The following TNNI3K variants were observed in gnomAD, a reference collection of about 807,000 sequenced individuals.
TNNI3K encodes the protein TNNI3 interacting kinase.
In TNNI3K, 140 loss-of-function variants were observed where a neutral mutation model predicts 114.5. The observed-to-expected ratio is 1.22, with a 90% CI of 1.07 to 1.41. The LOEUF is 1.41. Ranked by LOEUF, TNNI3K falls within the 40% of genes most tolerant of loss-of-function variation. The pLI, the probability that TNNI3K is intolerant of heterozygous loss-of-function variation, is 0.00. For missense variants in TNNI3K, 1,125 were observed against 1,007.6 expected, an observed-to-expected ratio of 1.12 and a Z score of -1.58; for synonymous variants, 347 against 347.5, an observed-to-expected ratio of 1.00 and a Z score of 0.02.
chr1:74,326,083 A>G (rs1019640043), intron 5 of TNNI3K, among the ~76,000 whole-genome samples: 2 of 152,188 alleles, frequency 1.3e-5, no homozygotes, highest in African/African-American at 4.8e-5. Context: ...AAACATTGGT[A>G]TAAGCATGAA....
At chr1:74,332,088 A>G (rs898540684) in intron 6 of TNNI3K, among the ~76,000 whole-genome samples, 4 of 152,116 alleles carry the variant, frequency 2.6e-5, no homozygotes, top group Non-Finnish European at 5.9e-5. Flanking sequence ...GTCCATATTT[A>G]TAAAATTTTA....
At chr1:74,290,249 C>T (rs1185589275) in intron 5 of TNNI3K, among the ~76,000 whole-genome samples, 3 of 149,686 alleles carry the variant, frequency 2.0e-5, no homozygotes, top group Non-Finnish European at 4.5e-5. Context: ...TAAGTCCTCC[C>T]TGGAGAATTG....
chr1:74,458,250 G>T (rs1176547353), intron 20 of TNNI3K, among the ~76,000 whole-genome samples: 1 of 151,796 alleles, frequency 6.6e-6, no homozygotes, highest in African/African-American at 2.4e-5. Context: ...AAATACTCAG[G>T]TTCTCTGTCT....
chr1:74,492,291 C>T, intron 23 of TNNI3K, 25 bp downstream of exon 23: 1 of 1,465,848 alleles, frequency 6.8e-7, no homozygotes, highest in Non-Finnish European at 9.2e-7. Context: ...AAGCAAATCT[C>T]ACAGTAAAGT....
intron 9 of TNNI3K, among the ~76,000 whole-genome samples, chr1:74,352,774 G>T (rs888927933): frequency 1.3e-5 from 2 of 152,144 alleles, no homozygotes; most frequent in Non-Finnish European, 2.9e-5. Context: ...AGCCAGGTGC[G>T]GGATGTAATC....
At chr1:74,293,215 G>A (rs76298566) in intron 5 of TNNI3K, among the ~76,000 whole-genome samples, 5,015 of 151,534 alleles carry the variant, frequency 0.033, 269 homozygotes, top group African/African-American at 0.11. Context: ...ATCTACCAAC[G>A]TATTTTGTAT....
At chr1:74,358,900 C>T (rs1350389156) in intron 11 of TNNI3K, among the ~76,000 whole-genome samples, 2 of 151,788 alleles carry the variant, frequency 1.3e-5, no homozygotes, top group African/African-American at 4.8e-5. Flanking sequence ...TAAAAGAGAA[C>T]TTACATTCAT....
chr1:74,317,321 T>A (rs1242815561), intron 5 of TNNI3K, among the ~76,000 whole-genome samples: 15 of 152,196 alleles, frequency 9.9e-5, no homozygotes, highest in Admixed American at 8.5e-4. Context: ...ATTATAGTAT[T>A]AGCTGTAGTA....
At chr1:74,336,288 C>A in intron 7 of TNNI3K, 139 bp downstream of exon 7, 3 of 1,107,296 alleles carry the variant, frequency 2.7e-6, no homozygotes, top group Non-Finnish European at 2.4e-6. Flanking sequence ...AGTCATAATT[C>A]ATCTTTAATA....
In TNNI3K at chr1:74,439,526, T is replaced by C. The variant is rs1318362163; in HGVS notation, c.1915T>C (p.Cys639Arg). The stretch of plus-strand genomic sequence containing the variant: ...GATGGCTCCTGAGGTGTTCACGCAG[T>C]GCACTCGGTACACCATCAAAGCAGA... ...RWMAPEVFTQ[C>R]TRYTIKADVF... Residue 639 changes from cysteine (C) to arginine (R), a missense_variant, in exon 20 of 25, where the codon TGC (cysteine) becomes CGC (arginine). Transcript: ENST00000326637. 6.2e-7 allele frequency: 1 copy of C among 1,613,316 alleles called. No individual in the cohort carries two copies. Among genetic ancestry groups the C allele is most frequent in the Non-Finnish European group, 8.5e-7 (1 of 1,179,630 alleles).
chr1:74,413,345 T>C (rs1452260393), intron 17 of TNNI3K, among the ~76,000 whole-genome samples: 1 of 152,200 alleles, frequency 6.6e-6, no homozygotes, highest in Non-Finnish European at 1.5e-5. Flanking sequence ...ATCTTCTCAA[T>C]ACAGTCACAC....
Position 74,294,479 on chromosome 1 carries a change from ACTCT to A in TNNI3K, c.444+22775_444+22778del, listed in dbSNP as rs530725582. 3.9e-5 allele frequency among the ~76,000 whole-genome samples: 6 copies of A among 151,942 alleles called. No homozygotes were observed. In the South Asian group the frequency reaches 8.3e-4, roughly 21 times the overall value. On this transcript the variant is annotated intron_variant, in intron 5 of 24. Transcript: ENST00000326637. Reference sequence around the variant, plus strand: ...GGTGCATTTTGCACACCTCTTTCTAACTCTCTCCTCAGTGATGTCATGCAAGTAG... The same window carrying A: ...GGTGCATTTTGCACACCTCTTTCTAACTCCTCAGTGATGTCATGCAAGTAG...
At chr1:74,510,208 C>T (rs988277234) in intron 23 of TNNI3K, among the ~76,000 whole-genome samples, 2 of 152,048 alleles carry the variant, frequency 1.3e-5, no homozygotes, top group Non-Finnish European at 1.5e-5. Flanking sequence ...CAGTTCTCAC[C>T]TTTTAAAAAG....
chr1:74,249,605 G>A, intron 3 of TNNI3K, 61 bp downstream of exon 3: 1 of 1,537,126 alleles, frequency 6.5e-7, no homozygotes, highest in Non-Finnish European at 8.9e-7. Flanking sequence ...TCAGTGACTT[G>A]AGCTGCTTAA....
chr1:74,481,756 GTAT>G (rs1390692143), intron 21 of TNNI3K, among the ~76,000 whole-genome samples: 2 of 152,246 alleles, frequency 1.3e-5, no homozygotes, highest in East Asian at 1.9e-4. Flanking sequence ...CAATAAAGAA[GTAT>G]TATAATCAGG....
At chr1:74,330,353 C>G (rs1183596366) in intron 5 of TNNI3K, among the ~76,000 whole-genome samples, 1 of 152,092 alleles carries the variant, frequency 6.6e-6, no homozygotes, top group Non-Finnish European at 1.5e-5. Flanking sequence ...TAACTCTAGA[C>G]ACTTATCAGC....
At chr1:74,500,378 G>A (rs1646917123) in intron 23 of TNNI3K, among the ~76,000 whole-genome samples, 1 of 151,440 alleles carries the variant, frequency 6.6e-6, no homozygotes, top group Non-Finnish European at 1.5e-5. Flanking sequence ...GAGGCGGGCG[G>A]ATCACGAGGT....
chr1:74,373,646 G>A (rs955935675), intron 17 of TNNI3K: 2 of 151,766 alleles, frequency 1.3e-5, no homozygotes, highest in Non-Finnish European at 2.9e-5. Flanking sequence ...GTCATTTCAC[G>A]AAGCAATGAC....
At chr1:74,383,346 G>C (rs1464975500) in intron 17 of TNNI3K, among the ~76,000 whole-genome samples, 1 of 151,862 alleles carries the variant, frequency 6.6e-6, no homozygotes, top group Non-Finnish European at 1.5e-5. Context: ...TGGTGGAACT[G>C]CCTCTATAGC....
Sources: gnomAD v4.1 joint callset for allele counts (sites outside exome capture counted in the v4.1 genomes callset) on GRCh38, gnomAD v4.1.1 for gene constraint, MANE v1.5 for transcripts, NCBI Gene and HGNC (gene_info 2026-07-23, HGNC 2026-07-21) for gene names.